PTGIS: variants seen among roughly 807,000 people sequenced by gnomAD.
PTGIS encodes the protein prostaglandin I2 synthase.
A neutral mutation model predicts 50.3 loss-of-function variants in PTGIS; 45 were observed. The ratio of observed to expected loss-of-function variants is 0.90; its 90% confidence interval spans 0.70 to 1.15. PTGIS has a LOEUF of 1.15. Among genes scored for constraint, PTGIS ranks in the 50% most tolerant of loss-of-function variants. The pLI, the probability that PTGIS is intolerant of heterozygous loss-of-function variation, is 0.00. For missense variants in PTGIS, 668 were observed against 661.3 expected (o/e 1.01, Z -0.11); for synonymous variants, 260 against 267.7 (o/e 0.97, Z 0.28).
At chr20:49,520,631 A>G (rs1981627051) in intron 6 of PTGIS, among the ~76,000 whole-genome samples, 1 of 151,844 alleles carries the variant, frequency 6.6e-6, no homozygotes, top group Non-Finnish European at 1.5e-5. Flanking sequence ...ACTGCGCCTG[A>G]CTTCTAATAC....
chr20:49,508,709 C>A (rs780535453), intron 9 of PTGIS, among the ~76,000 whole-genome samples: 2 of 152,198 alleles, frequency 1.3e-5, no homozygotes, highest in African/African-American at 2.4e-5. Context: ...TTACTGCCAT[C>A]TCTGAGAAAA....
chr20:49,514,138 T>C, intron 7 of PTGIS, 89 bp downstream of exon 7: 2 of 1,503,344 alleles, frequency 1.3e-6, no homozygotes, highest in Non-Finnish European at 1.8e-6. Context: ...TGATGGACCC[T>C]GGAAGACAGG....
At chr20:49,547,780 C>T (rs1982399297) in intron 3 of PTGIS, 61 bp downstream of exon 3, 1 of 1,562,614 alleles carries the variant, frequency 6.4e-7, no homozygotes, top group African/African-American at 1.4e-5. Flanking sequence ...ACTTGGGCCA[C>T]ATGAGTAGAA....
At chr20:49,527,253 T>C (rs751430120) in intron 5 of PTGIS, among the ~76,000 whole-genome samples, 1 of 144,598 alleles carries the variant, frequency 6.9e-6, no homozygotes, top group Admixed American at 7.1e-5. Flanking sequence ...AGAACCAGCA[T>C]GGGCAACATG....
In PTGIS at chr20:49,547,903, C is replaced by G. The variant is rs1231011535; in HGVS notation, c.315G>C (p.Glu105Asp). The G allele has an allele frequency of 1.2e-6, 2 of 1,614,046 alleles. No individual in the cohort carries two copies. The highest frequency in any genetic ancestry group is 2.7e-5 in the African/African-American group (2 of 74,910). ...GTGGAAGCTGCACATCAAAAATCCT[C>G]TCCATGAGGAAGATGGCATAGGCAT... ...DFHAYAIFLM[E>D]RIFDVQLPHY... Residue 105 changes from glutamate to aspartate, a missense_variant, in exon 3 of 10, where the codon GAG (glutamate) becomes GAC (aspartate). Physicochemically the swap from Glu to Asp is conservative, Grantham distance 45. Transcript: ENST00000244043.
intron 1 of PTGIS, among the ~76,000 whole-genome samples, chr20:49,558,315 G>A (rs1229085304): frequency 1.3e-5 from 2 of 152,164 alleles, no homozygotes; most frequent in African/African-American, 4.8e-5. Flanking sequence ...CTTGAGCCTG[G>A]GAGGTGGAAG....
At position 49,536,647 on chromosome 20, in the gene PTGIS, A is replaced by AT. The variant is rs555851423; in HGVS notation, c.673+2922dup. Among the ~76,000 whole-genome samples, 222 of 151,188 alleles carry AT rather than the reference A, an allele frequency of 1.5e-3. 1 individual carries two copies. Among genetic ancestry groups the AT allele is most frequent in the Non-Finnish European group, 2.8e-3 (191 of 67,706 alleles). ...AGGCGCCCACCACCACGCCCAGCTA[A>AT]TTTTTTTGTATTTTTAGTAGAGACA... On this transcript the variant is annotated intron_variant, in intron 5 of 9. Transcript: ENST00000244043.
chr20:49,544,518 C>T (rs758387207), intron 3 of PTGIS, 70 bp from the exon 4 acceptor site: 9 of 1,579,952 alleles, frequency 5.7e-6, no homozygotes, highest in Non-Finnish European at 7.8e-6. Flanking sequence ...GCACCTCCCT[C>T]CCCAAACCTA....
At chr20:49,567,976 T>C (rs542948155) in intron 1 of PTGIS, 67 bp downstream of exon 1, 20 of 1,405,542 alleles carry the variant, frequency 1.4e-5, no homozygotes, top group East Asian at 6.0e-5. Context: ...TCCGAGACCC[T>C]TGGGCTGCAG....
intron 8 of PTGIS, among the ~76,000 whole-genome samples, chr20:49,512,334 T>G (rs1195193573): frequency 6.6e-6 from 1 of 151,670 alleles, no homozygotes; most frequent in Admixed American, 6.6e-5. Flanking sequence ...AGTGGATGGA[T>G]GGATAGATGA....
intron 6 of PTGIS, among the ~76,000 whole-genome samples, chr20:49,519,822 C>T (rs889276137): frequency 1.3e-5 from 2 of 151,546 alleles, no homozygotes; most frequent in Non-Finnish European, 2.9e-5. Context: ...GATGGCCTCC[C>T]CCAAGGTCCC....
intron 5 of PTGIS, among the ~76,000 whole-genome samples, chr20:49,534,458 C>A (rs1982020169): frequency 6.6e-6 from 1 of 152,120 alleles, no homozygotes; most frequent in South Asian, 2.1e-4. Flanking sequence ...CTTCCTATAG[C>A]CAGCCCAGGG....
In PTGIS at chr20:49,539,598, G is replaced by A. The variant is rs756706992; in HGVS notation, c.645C>T (p.Pro215=). 1 of 1,613,906 alleles carries A rather than the reference G, an allele frequency of 6.2e-7. No homozygotes were observed. Among genetic ancestry groups the A allele is most frequent in the African/African-American group, 1.3e-5 (1 of 75,068 alleles). ...CTGACAGGGAGCCACGGGCCAGTTT[G>A]GGGAGCAGCCGGTCGAGCTGGCGAA... ...HTFRQLDRLL[P]KLARGSLSVG... The change falls in exon 5 of 10, where the codon CCC becomes CCT. Residue 215 remains proline (P), a synonymous_variant. Coordinates refer to ENST00000244043, the MANE Select transcript of PTGIS (RefSeq NM_000961.4).
At chr20:49,514,463 A>G in intron 6 of PTGIS, 68 bp from the exon 7 acceptor site, 1 of 1,565,724 alleles carries the variant, frequency 6.4e-7, no homozygotes, top group East Asian at 2.3e-5. Flanking sequence ...CCAGGGACAC[A>G]GCTCGGGCCA....
intron 6 of PTGIS, among the ~76,000 whole-genome samples, chr20:49,518,017 G>C (rs1249182662): frequency 6.6e-6 from 1 of 152,228 alleles, no homozygotes; most frequent in Non-Finnish European, 1.5e-5. Flanking sequence ...GAATTTAGGG[G>C]AAGGGAAGCC....
At chr20:49,526,344 T>C (rs1568673746) in intron 5 of PTGIS, among the ~76,000 whole-genome samples, 1 of 151,620 alleles carries the variant, frequency 6.6e-6, no homozygotes, top group Non-Finnish European at 1.5e-5. Context: ...TGGCATTCTT[T>C]GAAGTCTGAC....
chr20:49,565,630 C>G (rs1982878764), intron 1 of PTGIS, among the ~76,000 whole-genome samples: 1 of 152,182 alleles, frequency 6.6e-6, no homozygotes, highest in African/African-American at 2.4e-5. Context: ...GTACACTGCA[C>G]TCCAGCCTGG....
At position 49,531,125 on chromosome 20, in the gene PTGIS, C is replaced by T. The variant is rs112868810; in HGVS notation, c.674-6886G>A. Among the ~76,000 whole-genome samples the T allele has an allele frequency of 2.1e-3, 317 of 152,206 alleles. 2 individuals are homozygous for T. The highest frequency in any genetic ancestry group is 6.7e-3 in the African/African-American group (280 of 41,500). On this transcript the variant is annotated intron_variant, in intron 5 of 9. Coordinates refer to ENST00000244043, the MANE Select transcript of PTGIS (RefSeq NM_000961.4). Reference sequence around the variant, plus strand: ...TCTATTTTGGATGTTAACCCCATATCGGGTATGTGGTTTGTAATCTACTTT... The same window carrying T: ...TCTATTTTGGATGTTAACCCCATATTGGGTATGTGGTTTGTAATCTACTTT...
intron 6 of PTGIS, among the ~76,000 whole-genome samples, chr20:49,523,177 T>A (rs1981698080): frequency 6.6e-6 from 1 of 152,190 alleles, no homozygotes; most frequent in Non-Finnish European, 1.5e-5. Flanking sequence ...TATTAGATAA[T>A]GATCATGTAT....
Sources: gnomAD v4.1 joint callset for allele counts (sites outside exome capture counted in the v4.1 genomes callset) on GRCh38, gnomAD v4.1.1 for gene constraint, MANE v1.5 for transcripts, NCBI Gene and HGNC (gene_info 2026-07-23, HGNC 2026-07-21) for gene names.